The following ATP2B2 variants were observed in gnomAD, a reference collection of about 807,000 sequenced individuals.
The protein encoded by ATP2B2 is ATPase plasma membrane Ca2+ transporting 2, also known as plasma membrane calcium-transporting ATPase 2.
Under a neutral mutation model 120.0 loss-of-function variants are expected in ATP2B2, and 15 were observed. That is an observed-to-expected ratio of 0.12 (90% CI 0.08 to 0.19). The LOEUF is 0.19. Among genes scored for constraint, ATP2B2 ranks in the 10% least tolerant of loss-of-function variants. The pLI, the probability that ATP2B2 is intolerant of heterozygous loss-of-function variation, is 1.00. For synonymous variants in ATP2B2, 694 were observed against 700.3 expected, an observed-to-expected ratio of 0.99 and a Z score of 0.14; for missense variants, 1,045 against 1,719.8, an observed-to-expected ratio of 0.61 and a Z score of 6.94.
At chr3:10,394,690 T>C (rs570981373) in intron 5 of ATP2B2, 4 of 392,922 alleles carry the variant, frequency 1.0e-5, no homozygotes, top group African/African-American at 8.4e-5. Context: ...CAGCAGGTCC[T>C]GGGATGTGGG....
intron 1 of ATP2B2, among the ~76,000 whole-genome samples, chr3:10,452,583 G>A (rs1367686905): frequency 6.6e-6 from 1 of 152,216 alleles, no homozygotes; most frequent in African/African-American, 2.4e-5. Context: ...AGGATAGAGT[G>A]AGGCAAATGG....
chr3:10,426,192 AC>A (rs2063140914), intron 2 of ATP2B2, among the ~76,000 whole-genome samples: 1 of 151,838 alleles, frequency 6.6e-6, no homozygotes, highest in South Asian at 2.1e-4. Context: ...GATAGGTTAC[AC>A]CCCCTTCGGA....
intron 5 of ATP2B2, among the ~76,000 whole-genome samples, chr3:10,396,985 A>G (rs1419452030): frequency 1.3e-5 from 2 of 152,212 alleles, no homozygotes; most frequent in African/African-American, 4.8e-5. Flanking sequence ...CTCCCTGTGC[A>G]GCACTGTGCT....
intron 17 of ATP2B2, 93 bp downstream of exon 17, chr3:10,345,938 T>C: frequency 6.1e-6 from 8 of 1,308,966 alleles, no homozygotes; most frequent in Non-Finnish European, 8.5e-6. Context: ...GTGGGCCAAG[T>C]GTGAACTGGG....
At chr3:10,589,051 T>C (rs1432873217) in intron 2 of ATP2B2, among the ~76,000 whole-genome samples, 2 of 152,022 alleles carry the variant, frequency 1.3e-5, no homozygotes, top group Non-Finnish European at 2.9e-5. Flanking sequence ...TTCACACACC[T>C]GGGTAGGGAT....
intron 1 of ATP2B2, among the ~76,000 whole-genome samples, chr3:10,632,726 G>C (rs544705655): frequency 6.6e-6 from 1 of 152,232 alleles, no homozygotes; most frequent in African/African-American, 2.4e-5. Flanking sequence ...AGCTCTGCCA[G>C]GTCCTCTGCA....
intron 11 of ATP2B2, among the ~76,000 whole-genome samples, chr3:10,372,285 C>G (rs2061266775): frequency 6.6e-6 from 1 of 152,174 alleles, no homozygotes; most frequent in Non-Finnish European, 1.5e-5. Flanking sequence ...TTAAAGGACT[C>G]AGTTAATTGA....
intron 1 of ATP2B2, among the ~76,000 whole-genome samples, chr3:10,641,214 G>A (rs1377359640): frequency 6.6e-6 from 1 of 152,230 alleles, no homozygotes; most frequent in Non-Finnish European, 1.5e-5. Flanking sequence ...TTGCTCAGAA[G>A]AGCCTAAGGT....
intron 1 of ATP2B2, among the ~76,000 whole-genome samples, chr3:10,491,140 C>T (rs1181060041): frequency 6.6e-6 from 1 of 151,926 alleles, no homozygotes; most frequent in Non-Finnish European, 1.5e-5. Flanking sequence ...TGTGGCACAC[C>T]TTCCACAGGG....
chr3:10,388,034 C>T (rs577389044), intron 6 of ATP2B2: 12 of 508,070 alleles, frequency 2.4e-5, no homozygotes, highest in South Asian at 7.9e-5. Flanking sequence ...TGGCCTGGCC[C>T]GGAGGGGAAG....
At chr3:10,701,597 C>T (rs377446641) in intron 1 of ATP2B2, among the ~76,000 whole-genome samples, 1 of 151,946 alleles carries the variant, frequency 6.6e-6, no homozygotes, top group African/African-American at 2.4e-5. Context: ...CTACTATGTG[C>T]CCAGGTCTGA....
chr3:10,378,298 C>G lies in ATP2B2; in HGVS notation c.1155G>C (p.Val385=). 1 of 1,609,786 alleles carries G rather than the reference C, an allele frequency of 6.2e-7. No individual in the cohort carries two copies. Residue 385 remains valine, a synonymous_variant, in exon 10 of 23, where the codon GTG becomes GTC. Transcript: ENST00000360273. ...CCAGCTTGGTGAGCTTGCCCTGCAGCACGGACTTCTCCTTCTTGTGCATGC... is the reference window on the plus strand; with the variant it reads ...CCAGCTTGGTGAGCTTGCCCTGCAGGACGGACTTCTCCTTCTTGTGCATGC... ...KASMHKKEKS[V]LQGKLTKLAV...
At chr3:10,484,970 T>C (rs1055844512) in intron 1 of ATP2B2, among the ~76,000 whole-genome samples, 1 of 152,216 alleles carries the variant, frequency 6.6e-6, no homozygotes, top group African/African-American at 2.4e-5. Context: ...AAGAAGGCCC[T>C]GGGCACAGTG....
intron 1 of ATP2B2, among the ~76,000 whole-genome samples, chr3:10,668,136 T>C (rs2070995359): frequency 6.6e-6 from 1 of 152,178 alleles, no homozygotes; most frequent in African/African-American, 2.4e-5. Flanking sequence ...GCCTGTAAGA[T>C]AGGAGGGCAA....
chr3:10,627,322 T>C (rs1254366805), intron 1 of ATP2B2, among the ~76,000 whole-genome samples: 1 of 152,188 alleles, frequency 6.6e-6, no homozygotes, highest in Non-Finnish European at 1.5e-5. Flanking sequence ...GACCAGCTTA[T>C]GGAAAGGAGA....
chr3:10,571,490 C>T (rs368188874), intron 2 of ATP2B2, among the ~76,000 whole-genome samples: 115 of 152,294 alleles, frequency 7.6e-4, no homozygotes, highest in African/African-American at 2.4e-3. Flanking sequence ...AAGCCTGGGC[C>T]GTTTCCATAA....
At chr3:10,672,533 C>T (rs1005149246) in intron 1 of ATP2B2, among the ~76,000 whole-genome samples, 14 of 152,220 alleles carry the variant, frequency 9.2e-5, no homozygotes, top group East Asian at 7.7e-4. Context: ...CTTTGCATTC[C>T]GCACAAGGCA....
chr3:10,398,565 G>A (rs990023279), intron 5 of ATP2B2, among the ~76,000 whole-genome samples: 5 of 152,214 alleles, frequency 3.3e-5, no homozygotes, highest in Non-Finnish European at 7.3e-5. Flanking sequence ...CTGAGACATG[G>A]AATGCCTTCT....
chr3:10,532,249 A>G (rs923185665), intron 3 of ATP2B2, among the ~76,000 whole-genome samples: 5 of 152,204 alleles, frequency 3.3e-5, no homozygotes, highest in Non-Finnish European at 5.9e-5. Context: ...TGTCCCATTC[A>G]TAAAGGCACA....
Sources: gnomAD v4.1 joint callset for allele counts (sites outside exome capture counted in the v4.1 genomes callset) on GRCh38, gnomAD v4.1.1 for gene constraint, MANE v1.5 for transcripts, NCBI Gene and HGNC (gene_info 2026-07-23, HGNC 2026-07-21) for gene names.